Variants in AKR1C3 observed in about 807,000 individuals in gnomAD.
The protein encoded by AKR1C3 is 3-alpha hydroxysteroid dehydrogenase, type II.
In AKR1C3, 48 loss-of-function variants were observed where a neutral mutation model predicts 43.6. The observed-to-expected ratio is 1.10, with a 90% CI of 0.87 to 1.40. The LOEUF (loss-of-function observed/expected upper bound fraction) is 1.40, where lower values mean the gene tolerates loss of function less well. Ranked by LOEUF, AKR1C3 falls within the 40% of genes most tolerant of loss-of-function variation. The pLI is 0.00. For synonymous variants in AKR1C3, 162 were observed against 139.6 expected (o/e 1.16, Z -1.13); for missense variants, 482 against 391.2 (o/e 1.23, Z -1.96).
intron 1 of AKR1C3, among the ~76,000 whole-genome samples, chr10:5,068,471 T>C (rs1328319840): frequency 6.7e-6 from 1 of 149,778 alleles, no homozygotes; most frequent in African/African-American, 2.5e-5. Flanking sequence ...AAATGATGAC[T>C]CAGAAATTTT....
At chr10:5,069,182 G>C (rs1838568302) in intron 1 of AKR1C3, among the ~76,000 whole-genome samples, 1 of 152,180 alleles carries the variant, frequency 6.6e-6, no homozygotes, top group Non-Finnish European at 1.5e-5. Context: ...GAGCGAAAGA[G>C]ACCAGAGACT....
intron 1 of AKR1C3, among the ~76,000 whole-genome samples, chr10:5,062,440 A>T (rs1838399866): frequency 6.6e-6 from 1 of 152,162 alleles, no homozygotes; most frequent in Non-Finnish European, 1.5e-5. Flanking sequence ...CTCTAAAAAT[A>T]TTTGTAGCTG....
chr10:5,106,703 G>C (rs937514985), intron 8 of AKR1C3, among the ~76,000 whole-genome samples: 1 of 150,064 alleles, frequency 6.7e-6, no homozygotes. Context: ...GCAGTGAGCT[G>C]AGATCACACC....
upstream of AKR1C3, among the ~76,000 whole-genome samples, chr10:5,092,202 C>T (rs1429567278): frequency 6.6e-6 from 1 of 152,018 alleles, no homozygotes; most frequent in Non-Finnish European, 1.5e-5. Flanking sequence ...TATGTTTCTC[C>T]TGCTGCTTTT....
Position 5,107,593 on chromosome 10 carries a change from C to A in AKR1C3, c.*90C>A. 9.6e-7 allele frequency: 1 copy of A among 1,039,754 alleles called. No homozygotes were observed. The allele number at this position is 1,039,754 out of a possible 1,614,324, so 64.4% of individuals were successfully genotyped here. A position where few individuals can be genotyped will look rare whatever the true frequency, so the allele number is the denominator to read the frequency against. ...TCTATGCCGGTGACTGGACATATCA[C>A]CTCTACTTAAATCCGTCCTGTTTAG... On this transcript the variant is annotated 3_prime_UTR_variant, in exon 9 of 9. Transcript: ENST00000380554.
upstream of AKR1C3, among the ~76,000 whole-genome samples, chr10:5,093,160 C>G (rs1839132878): frequency 6.6e-6 from 1 of 152,042 alleles, no homozygotes; most frequent in South Asian, 2.1e-4. Flanking sequence ...TTGCACGTCT[C>G]TTCCCCTAAT....
At chr10:5,104,015 C>CGTTTA (rs1839429615) in intron 7 of AKR1C3, among the ~76,000 whole-genome samples, 1 of 151,848 alleles carries the variant, frequency 6.6e-6, no homozygotes, top group Admixed American at 6.6e-5. Context: ...GGGTATTAAT[C>CGTTTA]GTTTAGAGAT....
At chr10:5,074,082 C>CT (rs1223266716) in intron 1 of AKR1C3, among the ~76,000 whole-genome samples, 1 of 152,042 alleles carries the variant, frequency 6.6e-6, no homozygotes, top group Admixed American at 6.6e-5. Context: ...CCATTTGTCT[C>CT]TTATCTATCT....
intron 1 of AKR1C3, among the ~76,000 whole-genome samples, chr10:5,050,970 A>T (rs1194454851): frequency 1.3e-5 from 2 of 152,250 alleles, no homozygotes; most frequent in Non-Finnish European, 2.9e-5. Context: ...TCTTCTTCAA[A>T]GTAGGGCAGA....
rs549271166 is a variant in AKR1C3 at position 5,102,587 on chromosome 10, G to A, written c.783G>A (p.Leu261=). ...TPALIALRYQ[L]QRGVVVLAKS... ...CCCTGATTGCCCTGCGCTACCAGCT[G>A]CAGCGTGGGGTTGTGGTCCTGGCCA... Residue 261 remains leucine, a synonymous_variant, in exon 7 of 9, where the codon CTG becomes CTA. Coordinates refer to ENST00000380554, the MANE Select transcript of AKR1C3 (RefSeq NM_003739.6). 5.9e-5 allele frequency: 92 copies of A among 1,547,816 alleles called. 1 individual carries two copies. In the East Asian group the frequency reaches 7.9e-4, roughly 13 times the overall value.
intron 7 of AKR1C3, among the ~76,000 whole-genome samples, chr10:5,102,946 G>T (rs7090071): frequency 0.046 from 6,827 of 146,866 alleles, 314 homozygotes; most frequent in South Asian, 0.22. Context: ...TTTGGTTTTG[G>T]TTTTTTTTTT....
upstream of AKR1C3, chr10:5,094,205 TTTA>T: frequency 3.7e-6 from 1 of 269,104 alleles, no homozygotes; most frequent in South Asian, 4.7e-5. Context: ...AATTAATGAG[TTTA>T]TTATAACCAT....
intron 1 of AKR1C3, among the ~76,000 whole-genome samples, chr10:5,049,236 T>C (rs1238077351): frequency 3.3e-5 from 5 of 152,234 alleles, no homozygotes; most frequent in African/African-American, 1.2e-4. Flanking sequence ...GTGGTTTCTC[T>C]GTTTCCTTCT....
upstream of AKR1C3, among the ~76,000 whole-genome samples, chr10:5,091,101 C>T (rs147069093): frequency 1.6e-3 from 242 of 151,340 alleles, no homozygotes; most frequent in African/African-American, 4.6e-3. Context: ...GGGGACCAGA[C>T]GATTGAGCAA....
At chr10:5,069,005 A>G (rs1838565071) in intron 1 of AKR1C3, among the ~76,000 whole-genome samples, 1 of 152,220 alleles carries the variant, frequency 6.6e-6, no homozygotes, top group Admixed American at 6.5e-5. Context: ...AAAACTGTTT[A>G]TTTCCTAAAG....
chr10:5,061,521 G>T lies in AKR1C3; in HGVS notation c.84+12626G>T, dbSNP rs1299335465. ...TGATTACAGGTCAGATATGGAAGAG[G>T]TTTAGAAGGAGGGGGTTGAGTACAT... On this transcript the variant is annotated intron_variant, in intron 1 of 8. Transcript: ENST00000439082. Among the ~76,000 whole-genome samples, 5 of 152,194 alleles carry T rather than the reference G, an allele frequency of 3.3e-5. No homozygotes were observed. In the East Asian group the frequency reaches 9.6e-4, roughly 29 times the overall value.
intron 1 of AKR1C3, among the ~76,000 whole-genome samples, chr10:5,057,676 G>T (rs1337059739): frequency 6.6e-6 from 1 of 152,140 alleles, no homozygotes; most frequent in Non-Finnish European, 1.5e-5. Flanking sequence ...GTCAACAGAT[G>T]TTTACGACTC....
intron 1 of AKR1C3, among the ~76,000 whole-genome samples, chr10:5,054,094 AC>A (rs1434448859): frequency 6.6e-6 from 1 of 152,208 alleles, no homozygotes; most frequent in African/African-American, 2.4e-5. Flanking sequence ...GGCATCTTGT[AC>A]TATCCCCGAC....
intron 7 of AKR1C3, among the ~76,000 whole-genome samples, chr10:5,104,724 A>C (rs906693849): frequency 6.6e-6 from 1 of 152,146 alleles, no homozygotes; most frequent in Non-Finnish European, 1.5e-5. Flanking sequence ...CCAACTATTT[A>C]AATGGCCTTT....
Sources: allele counts gnomAD v4.1 joint callset (sites outside exome capture counted in the v4.1 genomes callset), GRCh38; gene constraint gnomAD v4.1.1; transcripts MANE v1.5; gene names NCBI Gene and HGNC (gene_info 2026-07-23, HGNC 2026-07-21).